Variants in ADAP1 observed in about 807,000 individuals in gnomAD.
The protein encoded by ADAP1 is ArfGAP with dual PH domains 1.
ADAP1 carries 31 observed loss-of-function variants against 54.9 expected under a neutral mutation model. The ratio of observed to expected loss-of-function variants is 0.56; its 90% CI spans 0.42 to 0.76. ADAP1 has a LOEUF of 0.76. ADAP1 is among the 30% of genes least tolerant of loss of function. The pLI, the probability that ADAP1 is intolerant of heterozygous loss-of-function variation, is 0.00. For missense variants in ADAP1, 535 were observed against 512.4 expected, an observed-to-expected ratio of 1.04 and a Z score of -0.42; for synonymous variants, 313 against 202.6, an observed-to-expected ratio of 1.55 and a Z score of -4.63.
intron 1 of ADAP1, among the ~76,000 whole-genome samples, chr7:949,376 T>C (rs111845443): frequency 3.3e-4 from 51 of 152,408 alleles, no homozygotes; most frequent in African/African-American, 1.1e-3. Flanking sequence ...TGCAGCCACC[T>C]GACGGGTGAC....
At chr7:933,380 C>T (rs1846644500) in intron 2 of ADAP1, among the ~76,000 whole-genome samples, 1 of 152,198 alleles carries the variant, frequency 6.6e-6, no homozygotes, top group Non-Finnish European at 1.5e-5. Context: ...GGGATCCCAG[C>T]TGTGATTTCT....
intron 4 of ADAP1, among the ~76,000 whole-genome samples, chr7:918,404 A>G (rs1342657823): frequency 6.6e-6 from 1 of 152,054 alleles, no homozygotes; most frequent in Admixed American, 6.6e-5. Context: ...TTTTAAAGGG[A>G]GGGCATCTTA....
intron 3 of ADAP1, among the ~76,000 whole-genome samples, chr7:925,272 G>C (rs1045952889): frequency 1.3e-5 from 2 of 148,980 alleles, no homozygotes; most frequent in Admixed American, 1.3e-4. Context: ...TGCAATCCCA[G>C]CACTTTGGGA....
intron 3 of ADAP1, among the ~76,000 whole-genome samples, chr7:922,298 C>T (rs184409233): frequency 0.022 from 3,395 of 152,246 alleles, 98 homozygotes; most frequent in East Asian, 0.13. Context: ...GCTTCAAGGA[C>T]CCCTAGGCCA....
rs1562909401 is a variant in ADAP1 at position 904,191 on chromosome 7, G to A, written c.583C>T (p.Leu195=). ...QPAKIGHPHG[L]QVTYLKDNST... is the part of the protein sequence containing the mutation. ...TTGTCCTTCAGGTAGGTGACCTGCA[G>A]GCCGTGGGGGTGGCCGATCTTGGCC... Residue 195 remains leucine (L), a synonymous_variant, in exon 6 of 11, where the codon CTG becomes TTG. Transcript: ENST00000265846. The A allele has an allele frequency of 6.2e-7, 1 of 1,612,218 alleles. No individual in the cohort carries two copies. The highest frequency in any genetic ancestry group is 1.1e-5 in the South Asian group (1 of 91,070).
intron 4 of ADAP1, among the ~76,000 whole-genome samples, chr7:918,881 C>G (rs1583158609): frequency 6.8e-6 from 1 of 147,502 alleles, no homozygotes; most frequent in Non-Finnish European, 1.5e-5. Context: ...ACTCAAAGCC[C>G]CAGGGTTTAA....
rs554196101 is a variant in ADAP1, at chr7:898,560, C to T, written c.*361G>A. 8.1e-4 allele frequency: 307 copies of T among 379,604 alleles called. 2 individuals are homozygous for T. The highest frequency in any genetic ancestry group is 6.0e-3 in the African/African-American group (289 of 48,418). The allele number at this position is 379,604 out of a possible 1,614,324, so 23.5% of individuals were successfully genotyped here. On this transcript the variant is annotated 3_prime_UTR_variant, in exon 11 of 11. Transcript: ENST00000265846. ...CGTGCTGGCCCCAAGCAGGGCTCTG[C>T]GCTGAGGCCTGGAAGTTCCCACAGC...
intron 4 of ADAP1, among the ~76,000 whole-genome samples, chr7:911,615 G>A (rs1389882987): frequency 5.4e-5 from 5 of 93,354 alleles, no homozygotes; most frequent in East Asian, 7.7e-4. Flanking sequence ...GTCCCACGGA[G>A]GGCCAGGAAG....
At chr7:947,784 C>T (rs1847181193) in intron 1 of ADAP1, among the ~76,000 whole-genome samples, 1 of 152,010 alleles carries the variant, frequency 6.6e-6, no homozygotes, top group Non-Finnish European at 1.5e-5. Flanking sequence ...GCGTCGTGGG[C>T]TGGGACACTC....
At chr7:936,576 C>T (rs559951633) in intron 1 of ADAP1, among the ~76,000 whole-genome samples, 7 of 152,328 alleles carry the variant, frequency 4.6e-5, no homozygotes, top group Admixed American at 3.3e-4. Context: ...CGTCCAGCCC[C>T]GCCCTGGGGC....
At chr7:901,036 G>C in intron 6 of ADAP1, 3 of 473,458 alleles carry the variant, frequency 6.3e-6, no homozygotes, top group Non-Finnish European at 1.3e-5. Flanking sequence ...GCAAGTCTTG[G>C]GGTGGTGGGA....
At chr7:917,880 C>T (rs1472953380) in intron 4 of ADAP1, among the ~76,000 whole-genome samples, 1 of 152,130 alleles carries the variant, frequency 6.6e-6, no homozygotes, top group African/African-American at 2.4e-5. Context: ...AAGAGATCCT[C>T]CCGCCTCAGT....
intron 2 of ADAP1, among the ~76,000 whole-genome samples, chr7:930,732 T>C (rs890481753): frequency 1.1e-4 from 17 of 151,092 alleles, no homozygotes; most frequent in Middle Eastern, 6.8e-3. Context: ...AGCAGGAGAA[T>C]CGCTTGAATG....
intron 2 of ADAP1, among the ~76,000 whole-genome samples, chr7:928,088 C>T (rs1025110140): frequency 6.7e-6 from 1 of 150,230 alleles, no homozygotes; most frequent in East Asian, 2.0e-4. Context: ...GGTGTGATGG[C>T]GCACACCTGT....
chr7:898,782 G>C lies in ADAP1; in HGVS notation c.*139C>G, dbSNP rs1447854541. On this transcript the variant is annotated 3_prime_UTR_variant, in exon 11 of 11. Coordinates refer to ENST00000265846, the MANE Select transcript of ADAP1 (RefSeq NM_006869.4). ...GAAGCATCCTGGAAGCTGAAGCTCGGGCCCTACCTGGCCGCGCCGGGCTGC... is the reference window on the plus strand; with the variant it reads ...GAAGCATCCTGGAAGCTGAAGCTCGCGCCCTACCTGGCCGCGCCGGGCTGC... 2 of 1,157,636 alleles carry C rather than the reference G, an allele frequency of 1.7e-6. No individual in the cohort carries two copies. Among genetic ancestry groups the C allele is most frequent in the African/African-American group, 3.1e-5 (2 of 65,226 alleles). 71.7% of individuals were successfully genotyped at this position (1,157,636 alleles called of 1,614,324 possible).
At chr7:937,205 ACCTCTGGGATTTGGGGGTCACGCCCGG>A (rs1846794916) in intron 1 of ADAP1, among the ~76,000 whole-genome samples, 2 of 11,354 alleles carry the variant, frequency 1.8e-4, no homozygotes, top group East Asian at 3.8e-3. Context: ...GTCACGCCCG[ACCTCTGGGATTTGGGGGTCACGCCCGG>A]CCTCTGGGAT....
At position 919,192 on chromosome 7, in the gene ADAP1, C is replaced by T. The variant is rs534994771; in HGVS notation, c.388+776G>A. On this transcript the variant is annotated intron_variant, in intron 4 of 10. Transcript: ENST00000265846. The stretch of plus-strand genomic sequence containing the variant: ...GGAGGTGGAGGCCGCAGGCCGGGGC[C>T]GCACCCTCCCCACCTGCAGCACAGT... Among the ~76,000 whole-genome samples, 57 of 152,280 alleles carry T rather than the reference C, an allele frequency of 3.7e-4. No homozygotes were observed. In the South Asian group the frequency reaches 3.9e-3, roughly 11 times the overall value.
intron 5 of ADAP1, 81 bp from the exon 6 acceptor site, chr7:904,353 GC>G: frequency 6.7e-7 from 1 of 1,495,614 alleles, no homozygotes; most frequent in African/African-American, 1.4e-5. Context: ...CCCTGTGGGT[GC>G]TGGCGGCGCA....
chr7:950,683 C>G (rs1188561703), intron 1 of ADAP1, among the ~76,000 whole-genome samples: 4 of 151,486 alleles, frequency 2.6e-5, no homozygotes, highest in African/African-American at 9.7e-5. Context: ...ATGGCGAAAC[C>G]CTGTCTCTAC....
Sources: gnomAD v4.1 joint callset for allele counts (sites outside exome capture counted in the v4.1 genomes callset) on GRCh38, gnomAD v4.1.1 for gene constraint, MANE v1.5 for transcripts, NCBI Gene and HGNC (gene_info 2026-07-23, HGNC 2026-07-21) for gene names.